The following ABCA5 variants were observed in gnomAD, a reference collection of about 807,000 sequenced individuals.
ABCA5 encodes the protein cholesterol transporter ABCA5.
In ABCA5, 163 loss-of-function variants were observed where a neutral mutation model predicts 206.0. The observed-to-expected ratio is 0.79, with a 90% CI of 0.70 to 0.90. The LOEUF (loss-of-function observed/expected upper bound fraction) is 0.90, where lower values mean the gene tolerates loss of function less well. Ranked by LOEUF, ABCA5 falls within the 40% of genes least tolerant of loss-of-function variation. The pLI, the probability that ABCA5 is intolerant of heterozygous loss-of-function variation, is 0.00. For synonymous variants in ABCA5, 609 were observed against 613.8 expected (o/e 0.99, Z 0.11); for missense variants, 1,859 against 1,912.9 (o/e 0.97, Z 0.53).
chr17:69,320,013 A>G (rs1438803501), intron 1 of ABCA5, among the ~76,000 whole-genome samples: 2 of 152,220 alleles, frequency 1.3e-5, no homozygotes, highest in Non-Finnish European at 2.9e-5. Flanking sequence ...TATCTGTAAA[A>G]TACAACAATA....
At position 69,297,241 on chromosome 17, in the gene ABCA5, A is replaced by C; in HGVS notation, c.1386T>G (p.Ser462Arg). 1 of 1,612,436 alleles carries C rather than the reference A, an allele frequency of 6.2e-7. No homozygotes were observed. The change falls in exon 10 of 39, where the codon AGT becomes AGG. Residue 462 changes from serine to arginine, a missense_variant. Transcript: ENST00000392676. ...CTGAAGAAACTGGCTCAATAATTTC[A>C]CTAAAACTAATATTTCCATTAACAT... ...EGNVNGNISFSEIIEPVSSEF... is the reference protein window; with the variant it reads ...EGNVNGNISFREIIEPVSSEF...
chr17:69,256,904 A>C (rs1255854777), intron 28 of ABCA5, among the ~76,000 whole-genome samples: 1 of 152,200 alleles, frequency 6.6e-6, no homozygotes, highest in African/African-American at 2.4e-5. Flanking sequence ...CCCTCAAAAA[A>C]TTTACAACCT....
chr17:69,251,721 G>C, intron 35 of ABCA5, 26 bp downstream of exon 35: 1 of 1,599,998 alleles, frequency 6.3e-7, no homozygotes, highest in Non-Finnish European at 8.5e-7. Flanking sequence ...CTCTTCCCCT[G>C]AATGGCACGC....
rs1420063379 is a variant in ABCA5, at chr17:69,313,110, T to C, written c.289A>G (p.Thr97Ala). Reference sequence around the variant, plus strand: ...ACAATACCATCAGGTAGATGATCAGTAGACACTTTCTGCATGATGCTGCTT... The same window carrying C: ...ACAATACCATCAGGTAGATGATCAGCAGACACTTTCTGCATGATGCTGCTT... Reference protein sequence around the residue: ...ITSSIMQKVSTDHLPDVIITE... With the variant: ...ITSSIMQKVSADHLPDVIITE... Residue 97 changes from threonine to alanine, a missense_variant, in exon 3 of 39, where the codon ACT becomes GCT. Transcript: ENST00000392676. 1.9e-6 allele frequency: 3 copies of C among 1,608,692 alleles called. No homozygotes were observed. Among genetic ancestry groups the C allele is most frequent in the East Asian group, 2.2e-5 (1 of 44,648 alleles).
chr17:69,279,134 A>G (rs1598171713), intron 18 of ABCA5, among the ~76,000 whole-genome samples: 1 of 151,948 alleles, frequency 6.6e-6, no homozygotes, highest in Non-Finnish European at 1.5e-5. Context: ...TATCTAGAAA[A>G]CCCCATCGTC....
chr17:69,295,707 T>G (rs1170167896), intron 10 of ABCA5, among the ~76,000 whole-genome samples: 1 of 152,188 alleles, frequency 6.6e-6, no homozygotes, highest in Non-Finnish European at 1.5e-5. Context: ...CTATAATCTG[T>G]GTATATTTTA....
rs2075524006 is a variant in ABCA5, at chr17:69,291,320, G to C, written c.1502C>G (p.Ser501Ter). The change falls in exon 12 of 39, where the codon TCA becomes TGA. Residue 501 changes from serine (S) to a stop codon, truncating the protein, a stop_gained. Transcript: ENST00000392676. LOFTEE classifies it high-confidence loss of function. Reference sequence around the variant, plus strand: ...AATCTGACCCTCATATATGTCAAATGACAAATCTAGTTCAGGAAAAAAGAA... The same window carrying C: ...AATCTGACCCTCATATATGTCAAATCACAAATCTAGTTCAGGAAAAAAGAA... ...GENVEALRNLSFDIYEGQITA... is the reference protein window; with the variant it reads ...GENVEALRNL 4 of 1,591,384 alleles carry C rather than the reference G, an allele frequency of 2.5e-6. No homozygotes were observed. In the East Asian group the frequency reaches 9.0e-5, roughly 36 times the overall value.
rs750662706 is a variant in ABCA5, at chr17:69,253,803, G to C, written c.4311C>G (p.Ile1437Met). ...TGTTTAATGAAAGTACCTTTCGTTT[G>C]ATTCCTGCAGGTAGTTTCTTTACAG... ...QKTVKKLPAG[I>M]KRKLCFALSM... Residue 1437 changes from isoleucine to methionine, a missense_variant, in exon 33 of 39, where the codon ATC (isoleucine) becomes ATG (methionine). Ile to Met is a conservative substitution (Grantham distance 10, BLOSUM62 1). Transcript: ENST00000392676. The C allele has an allele frequency of 6.2e-7, 1 of 1,612,344 alleles. No individual in the cohort carries two copies. Among genetic ancestry groups the C allele is most frequent in the Non-Finnish European group, 8.5e-7 (1 of 1,179,024 alleles).
chr17:69,323,390 T>C (rs2075878906), intron 1 of ABCA5, among the ~76,000 whole-genome samples: 1 of 152,212 alleles, frequency 6.6e-6, no homozygotes, highest in African/African-American at 2.4e-5. Flanking sequence ...CTTGCCTATG[T>C]AAAGGACCCT....
In ABCA5 at chr17:69,324,634, G is replaced by A. The variant is rs191878459; in HGVS notation, c.-16+2418C>T. ...CAAATCTCCAAAGCTTCCATCTGTA[G>A]GATCACCCTCAGATTATGACCTTGA... On this transcript the variant is annotated intron_variant, in intron 1 of 38. Coordinates refer to ENST00000392676, the MANE Select transcript of ABCA5 (RefSeq NM_172232.4). 3.7e-4 allele frequency among the ~76,000 whole-genome samples: 56 copies of A among 152,206 alleles called. 1 individual carries two copies. The highest frequency in any genetic ancestry group is 1.2e-3 in the African/African-American group (49 of 41,528).
chr17:69,283,752 G>A (rs2075421104), intron 18 of ABCA5, among the ~76,000 whole-genome samples: 1 of 151,932 alleles, frequency 6.6e-6, no homozygotes, highest in African/African-American at 2.4e-5. Context: ...CCTTCCTGAT[G>A]ATATAATCTA....
At chr17:69,325,080 G>C (rs1244353557) in intron 1 of ABCA5, among the ~76,000 whole-genome samples, 1 of 150,164 alleles carries the variant, frequency 6.7e-6, no homozygotes, top group Non-Finnish European at 1.5e-5. Context: ...CCAGTGGGAG[G>C]AAGGCTTGAG....
intron 24 of ABCA5, among the ~76,000 whole-genome samples, chr17:69,262,240 G>C (rs1043335554): frequency 7.9e-5 from 12 of 152,084 alleles, no homozygotes; most frequent in Non-Finnish European, 1.2e-4. Flanking sequence ...GTAATTTCTA[G>C]TTTTACTTTA....
intron 28 of ABCA5, among the ~76,000 whole-genome samples, chr17:69,258,819 G>C (rs2075112663): frequency 6.6e-6 from 1 of 152,094 alleles, no homozygotes; most frequent in Admixed American, 6.6e-5. Context: ...TTAGTGGACA[G>C]TTCGAAAAGA....
In ABCA5 at chr17:69,267,970, AAAGT is replaced by A. The variant is rs781391905; in HGVS notation, c.3113_3116del (p.Tyr1038LeufsTer45). The A allele has an allele frequency of 1.9e-6, 3 of 1,610,232 alleles. No individual in the cohort carries two copies. In the South Asian group the frequency reaches 3.3e-5, roughly 18 times the overall value. ...TATGATTCTCTGCATTTTCCATGGC[AAAGT>A]AAGGTGGCATTGCAGTAACAATGAT... On this transcript the variant is annotated frameshift_variant, in exon 23 of 39. Coordinates refer to ENST00000392676, the MANE Select transcript of ABCA5 (RefSeq NM_172232.4). LOFTEE classifies it high-confidence loss of function.
In ABCA5 at chr17:69,244,951, C is replaced by CT. The variant is rs1379993968; in HGVS notation, c.*2585dup. 1 of 150,032 alleles carries CT rather than the reference C, an allele frequency of 6.7e-6. No homozygotes were observed. The highest frequency in any genetic ancestry group is 1.5e-5 in the Non-Finnish European group (1 of 67,448). The allele number at this position is 150,032 out of a possible 1,614,324, so 9.3% of individuals were successfully genotyped here. ...TATTTTATGTAAGTTATATAAGTAT[C>CT]TATCTTACAGATCTCCACGATCTTA... On this transcript the variant is annotated 3_prime_UTR_variant, in exon 39 of 39. Transcript: ENST00000392676.
intron 38 of ABCA5, 39 bp downstream of exon 38, chr17:69,248,223 T>C: frequency 8.2e-7 from 1 of 1,217,622 alleles, no homozygotes; most frequent in Non-Finnish European, 1.2e-6. Flanking sequence ...AGATACTTTC[T>C]TCTATAAAAT....
Position 69,274,839 on chromosome 17 carries a change from CTTTTT to C in ABCA5, c.2595-716_2595-712del, listed in dbSNP as rs3052556. Among the ~76,000 whole-genome samples the C allele has an allele frequency of 1.1e-3, 96 of 85,752 alleles. 1 individual carries two copies. Among genetic ancestry groups the C allele is most frequent in the African/African-American group, 4.0e-3 (90 of 22,744 alleles). 56.3% of individuals were successfully genotyped at this position (85,752 alleles called of 152,430 possible). ...GTCCTGTCTCTATCTTAACCATTTACTTTTTTTTTTTTTTTTTTTTTTGAGATGGA... is the reference window on the plus strand; with the variant it reads ...GTCCTGTCTCTATCTTAACCATTTACTTTTTTTTTTTTTTTTTGAGATGGA... On this transcript the variant is annotated intron_variant, in intron 19 of 38. Transcript: ENST00000392676.
In ABCA5 at chr17:69,283,944, T is replaced by C; in HGVS notation, c.2392+9A>G. On this transcript the variant is annotated intron_variant, in intron 18 of 38. Transcript: ENST00000392676. ...ATTGCCTAAAATGTTTTGTTAGTTC[T>C]GTTTTTACCTGCTTGGTCAATTTCT... 1 of 1,604,182 alleles carries C rather than the reference T, an allele frequency of 6.2e-7. No homozygotes were observed.
Sources: allele counts gnomAD v4.1 joint callset (sites outside exome capture counted in the v4.1 genomes callset), GRCh38; gene constraint gnomAD v4.1.1; transcripts MANE v1.5; gene names NCBI Gene and HGNC (gene_info 2026-07-23, HGNC 2026-07-21).